The following DOCK1 variants were observed in gnomAD, a reference collection of about 807,000 sequenced individuals.
DOCK1 encodes dedicator of cytokinesis protein 1.
In DOCK1, 138 loss-of-function variants were observed where a neutral mutation model predicts 262.7. That is an observed-to-expected ratio of 0.53 (90% CI 0.46 to 0.61). The LOEUF (loss-of-function observed/expected upper bound fraction) is 0.61. Ranked by LOEUF, DOCK1 falls within the 20% of genes least tolerant of loss-of-function variation. DOCK1 has a pLI of 0.00. For missense variants in DOCK1, 1,908 were observed against 2,370.7 expected (o/e 0.80, Z 4.05); for synonymous variants, 866 against 867.4 (o/e 1.00, Z 0.03).
intron 31 of DOCK1, among the ~76,000 whole-genome samples, chr10:127,353,551 C>T (rs1234792980): frequency 2.0e-5 from 3 of 152,212 alleles, no homozygotes; most frequent in African/African-American, 4.8e-5. Context: ...GATGCCCCCT[C>T]CTTAACCGAG....
intron 29 of DOCK1, among the ~76,000 whole-genome samples, chr10:127,287,739 C>G (rs561162464): frequency 2.3e-5 from 3 of 130,526 alleles, no homozygotes; most frequent in African/African-American, 3.2e-5. Flanking sequence ...TGCATCACAC[C>G]AGCAAGCACA....
intron 46 of DOCK1, among the ~76,000 whole-genome samples, 153 bp downstream of exon 46, chr10:127,419,902 G>C (rs759135431): frequency 6.6e-6 from 1 of 152,188 alleles, no homozygotes; most frequent in Non-Finnish European, 1.5e-5. Context: ...ACCCACTGCT[G>C]TCGTGATCAA....
At chr10:127,211,165 A>T (rs180882992) in intron 27 of DOCK1, among the ~76,000 whole-genome samples, 10 of 152,252 alleles carry the variant, frequency 6.6e-5, no homozygotes, top group African/African-American at 1.9e-4. Context: ...TTAAAGCCTT[A>T]GCTGGGCTGC....
chr10:126,942,654 C>T (rs1334424571), intron 1 of DOCK1, among the ~76,000 whole-genome samples: 2 of 152,048 alleles, frequency 1.3e-5, no homozygotes, highest in South Asian at 2.1e-4. Flanking sequence ...CTGGGATCTG[C>T]GATGCAGCAG....
chr10:127,179,004 T>C (rs1161051760), intron 27 of DOCK1, among the ~76,000 whole-genome samples: 1 of 152,212 alleles, frequency 6.6e-6, no homozygotes, highest in Non-Finnish European at 1.5e-5. Context: ...TATGTCAGAA[T>C]GTATTGTGCC....
intron 23 of DOCK1, among the ~76,000 whole-genome samples, chr10:127,063,567 C>G (rs1300904302): frequency 6.6e-6 from 1 of 152,028 alleles, no homozygotes; most frequent in East Asian, 1.9e-4. Context: ...ATTTGGGCAA[C>G]TTGATATTGC....
chr10:127,398,801 C>G (rs186608883), intron 38 of DOCK1, among the ~76,000 whole-genome samples: 146 of 152,252 alleles, frequency 9.6e-4, no homozygotes, highest in Non-Finnish European at 2.9e-4. Context: ...GGATGGCTGT[C>G]CCGGCTGGCA....
intron 29 of DOCK1, among the ~76,000 whole-genome samples, chr10:127,331,360 C>A (rs1401817940): frequency 6.6e-6 from 1 of 152,184 alleles, no homozygotes; most frequent in Admixed American, 6.5e-5. Flanking sequence ...CAGCTCTCTG[C>A]AACTTCTGCC....
At chr10:127,013,002 T>C (rs532320853) in intron 12 of DOCK1, among the ~76,000 whole-genome samples, 10 of 152,204 alleles carry the variant, frequency 6.6e-5, no homozygotes, top group Non-Finnish European at 1.3e-4. Context: ...CCCTGATCCA[T>C]GCAGACTGCC....
In DOCK1 at chr10:126,990,529, T is replaced by C. The variant is rs1474731560; in HGVS notation, c.399T>C (p.Leu133=). Reference sequence around the variant, plus strand: ...TTATTGAATGGCGATCACAAATTCTTTCTGGAACTCTGCCTCAGGATGAAC... The same window carrying C: ...TTATTGAATGGCGATCACAAATTCTCTCTGGAACTCTGCCTCAGGATGAAC... ...YDLIEWRSQI[L]SGTLPQDELK... is the part of the protein sequence containing the mutation. Residue 133 remains leucine, a synonymous_variant, in exon 6 of 52, where the codon CTT becomes CTC. Coordinates refer to ENST00000623213, the MANE Select transcript of DOCK1 (RefSeq NM_001290223.2). The C allele has an allele frequency of 6.2e-7, 1 of 1,613,846 alleles. No individual in the cohort carries two copies. The highest frequency in any genetic ancestry group is 1.1e-5 in the South Asian group (1 of 90,994).
intron 27 of DOCK1, among the ~76,000 whole-genome samples, chr10:127,134,838 A>C (rs2133187774): frequency 6.6e-6 from 1 of 152,206 alleles, no homozygotes; most frequent in South Asian, 2.1e-4. Flanking sequence ...ACTGGGAAAA[A>C]GCATTGTGGC....
chr10:127,283,640 C>G (rs990295677), intron 29 of DOCK1, among the ~76,000 whole-genome samples: 1 of 152,196 alleles, frequency 6.6e-6, no homozygotes, highest in African/African-American at 2.4e-5. Context: ...GGTGTAATAT[C>G]ATCTGTGTAC....
At chr10:127,054,052 T>C (rs1375209673) in intron 22 of DOCK1, among the ~76,000 whole-genome samples, 1 of 152,208 alleles carries the variant, frequency 6.6e-6, no homozygotes, top group Admixed American at 6.5e-5. Flanking sequence ...CATGGTGCCC[T>C]TGTAACCTAT....
chr10:127,190,682 C>CCCCCCCG (rs1554912109), intron 27 of DOCK1, among the ~76,000 whole-genome samples: 1 of 43,734 alleles, frequency 2.3e-5, no homozygotes, highest in Non-Finnish European at 4.9e-5. Context: ...CCCCCCCCCC[C>CCCCCCCG]CGTTCCTGCT....
intron 50 of DOCK1, among the ~76,000 whole-genome samples, chr10:127,445,274 G>A (rs1452567405): frequency 6.6e-6 from 1 of 152,146 alleles, no homozygotes; most frequent in East Asian, 1.9e-4. Flanking sequence ...ACAGAGAGGG[G>A]TCCCAGGCAG....
At chr10:127,211,237 CAGAT>C (rs1172821153) in intron 27 of DOCK1, among the ~76,000 whole-genome samples, 5 of 152,212 alleles carry the variant, frequency 3.3e-5, no homozygotes, top group Non-Finnish European at 7.3e-5. Context: ...ACTTGCCAGA[CAGAT>C]GGGATTTTCA....
intron 5 of DOCK1, 58 bp downstream of exon 5, chr10:126,987,675 C>G: frequency 7.2e-7 from 1 of 1,381,136 alleles, no homozygotes; most frequent in Non-Finnish European, 9.9e-7. Context: ...TTTTTTGACC[C>G]TGATATGCCA....
At chr10:127,016,732 A>C (rs1315274910) in intron 12 of DOCK1, among the ~76,000 whole-genome samples, 45 of 118,906 alleles carry the variant, frequency 3.8e-4, no homozygotes, top group African/African-American at 1.5e-3. Context: ...ACACACACAC[A>C]CCACACACAC....
chr10:127,422,158 CTTTTTTTTTTTTT>C (rs35535729), intron 46 of DOCK1, among the ~76,000 whole-genome samples: 2 of 61,384 alleles, frequency 3.3e-5, no homozygotes, highest in South Asian at 1.6e-3. Flanking sequence ...TTTTGTTTGT[CTTTTTTTTTTTTT>C]TTTTTTTTTT....
Sources: allele counts gnomAD v4.1 joint callset (sites outside exome capture counted in the v4.1 genomes callset), GRCh38; gene constraint gnomAD v4.1.1; transcripts MANE v1.5; gene names NCBI Gene and HGNC (gene_info 2026-07-23, HGNC 2026-07-21).